Variants in GAB3 observed in about 807,000 individuals in gnomAD.
The protein encoded by GAB3 is GRB2-associated-binding protein 3.
Under a neutral mutation model 40.4 loss-of-function variants are expected in GAB3, and 12 were observed. That is an observed-to-expected ratio of 0.30 (90% CI 0.19 to 0.48). The LOEUF (loss-of-function observed/expected upper bound fraction) is 0.48. Among genes scored for constraint, GAB3 ranks in the 20% least tolerant of loss-of-function variants. The pLI is 0.99. For synonymous variants in GAB3, 154 were observed against 176.7 expected, an observed-to-expected ratio of 0.87 and a Z score of 1.02; for missense variants, 381 against 461.9, an observed-to-expected ratio of 0.82 and a Z score of 1.61.
intron 1 of GAB3, 26 bp from the exon 2 acceptor site, chrX:154,716,355 G>C (rs1356260178): frequency 1.8e-5 from 21 of 1,165,793 alleles, no homozygotes; most frequent in Non-Finnish European, 2.4e-5. Context: ...TCAATAAGGA[G>C]TTACTGGACC....
chrX:154,677,043 G>T lies in GAB3; in HGVS notation c.*1135C>A, dbSNP rs2070306303. The T allele has an allele frequency of 9.0e-6, 1 of 111,352 alleles. No individual in the cohort carries two copies. Among genetic ancestry groups the T allele is most frequent in the Non-Finnish European group, 1.9e-5 (1 of 53,054 alleles). The allele number at this position is 111,352 out of a possible 1,213,427, so 9.2% of individuals were successfully genotyped here. On this transcript the variant is annotated 3_prime_UTR_variant, in exon 10 of 10. Transcript: ENST00000424127. The stretch of plus-strand genomic sequence containing the variant: ...GGAAACCTAAGAATGGAATTCATAG[G>T]TTTTTTCCTGGTCATTGTGTCTGCT...
intron 6 of GAB3, among the ~76,000 whole-genome samples, chrX:154,698,036 C>T: frequency 8.9e-6 from 1 of 112,157 alleles, no homozygotes; most frequent in Non-Finnish European, 1.9e-5. Context: ...TGTCCATTGT[C>T]GTGACAACTA....
chrX:154,735,072 G>A (rs1477429210), intron 1 of GAB3, among the ~76,000 whole-genome samples: 1 of 111,944 alleles, frequency 8.9e-6, no homozygotes, highest in Non-Finnish European at 1.9e-5. Context: ...CACAGAAAAA[G>A]AAACAGAAAT....
At chrX:154,697,290 CAGCA>C in intron 6 of GAB3, 77 bp from the exon 7 acceptor site, 2 of 684,860 alleles carry the variant, frequency 2.9e-6, no homozygotes, top group Non-Finnish European at 4.3e-6. Flanking sequence ...TTCACTTTCC[CAGCA>C]CACCAAATCC....
Position 154,712,664 on chromosome X carries a change from G to A in GAB3, c.634C>T (p.Arg212Cys), listed in dbSNP as rs2070972854. 2 of 1,128,437 alleles carry A rather than the reference G, an allele frequency of 1.8e-6. No homozygotes were observed. The highest frequency in any genetic ancestry group is 2.3e-6 in the Non-Finnish European group (2 of 855,271). 93.0% of individuals were successfully genotyped at this position (1,128,437 alleles called of 1,213,427 possible). A position where few individuals can be genotyped will look rare whatever the true frequency, so the allele number is the denominator to read the frequency against. ...TCAAATGAAGCCTGTTCCAATGAAC[G>A]GTCTGAGTTTGACCAGCTATCACAT... ...TRCDSWSNSD[R>C]SLEQASFDDV... The change falls in exon 4 of 10, where the codon CGT becomes TGT. Residue 212 changes from arginine (R) to cysteine (C), a missense_variant. Arg to Cys is a radical substitution (Grantham distance 180). Around this residue, in one of 2 missense-constraint regions of GAB3, gnomAD observed 364 missense variants for 421.0 expected, o/e 0.86. Coordinates refer to ENST00000424127, the MANE Select transcript of GAB3 (RefSeq NM_001081573.3).
intron 1 of GAB3, among the ~76,000 whole-genome samples, chrX:154,727,460 C>T (rs1450231705): frequency 2.7e-5 from 3 of 112,900 alleles, no homozygotes; most frequent in African/African-American, 9.7e-5. Context: ...ACAGTAGAGA[C>T]TTTGTCTGTC....
chrX:154,700,195 G>A, intron 4 of GAB3, 136 bp from the exon 5 acceptor site: 1 of 462,637 alleles, frequency 2.2e-6, no homozygotes, highest in Non-Finnish European at 3.7e-6. Flanking sequence ...TTCCCCAACA[G>A]ATGAAAAATC....
chrX:154,707,957 A>G (rs781920793), intron 4 of GAB3, among the ~76,000 whole-genome samples: 28 of 112,290 alleles, frequency 2.5e-4, no homozygotes, highest in Non-Finnish European at 5.1e-4. Context: ...AAATTTCTAC[A>G]CTAAAAACTA....
At chrX:154,680,389 T>A in intron 8 of GAB3, 141 bp from the exon 9 acceptor site, 1 of 392,090 alleles carries the variant, frequency 2.6e-6, no homozygotes. Flanking sequence ...TCAATCAGCC[T>A]GCATATCTGA....
chrX:154,709,360 G>A (rs1485309618), intron 4 of GAB3, among the ~76,000 whole-genome samples: 1 of 101,647 alleles, frequency 9.8e-6, no homozygotes, highest in Non-Finnish European at 2.0e-5. Context: ...TTGCTCTGTC[G>A]CCCAGACTGG....
Position 154,708,727 on chromosome X carries a change from T to C in GAB3, c.1069+3502A>G, listed in dbSNP as rs184401500. 3.6e-5 allele frequency among the ~76,000 whole-genome samples: 4 copies of C among 111,844 alleles called. No individual in the cohort carries two copies. In the East Asian group the frequency reaches 1.1e-3, roughly 31 times the overall value. On this transcript the variant is annotated intron_variant, in intron 4 of 9. Transcript: ENST00000424127. ...CAAGAAATACAAGTGTTGGAGAGCA[T>C]GTAGAGAAGAGAACCCTTGTACACT...
At chrX:154,709,145 C>CTT (rs150963438) in intron 4 of GAB3, among the ~76,000 whole-genome samples, 39,387 of 109,051 alleles carry the variant, frequency 0.36, 5,313 homozygotes, top group South Asian at 0.57. Flanking sequence ...TCCCCCTTCA[C>CTT]TCTCTTCCTC....
At chrX:154,750,869 C>G in intron 1 of GAB3, 85 bp downstream of exon 1, 1 of 609,669 alleles carries the variant, frequency 1.6e-6, no homozygotes, top group Non-Finnish European at 2.0e-6. Flanking sequence ...CTGGCGCGCC[C>G]GGAGCCCAGC....
chrX:154,724,375 TAAA>T (rs2071181375), intron 1 of GAB3, among the ~76,000 whole-genome samples: 2 of 109,286 alleles, frequency 1.8e-5, no homozygotes, highest in African/African-American at 6.7e-5. Flanking sequence ...AATAAATAAA[TAAA>T]TAAATAAAAA....
chrX:154,682,121 T>C (rs978378350), intron 8 of GAB3, among the ~76,000 whole-genome samples: 1 of 112,517 alleles, frequency 8.9e-6, no homozygotes, highest in Non-Finnish European at 1.9e-5. Flanking sequence ...CTGTAAATGG[T>C]AAGTTTTGTT....
chrX:154,698,056 G>A (rs2070687966), intron 6 of GAB3, among the ~76,000 whole-genome samples: 1 of 112,278 alleles, frequency 8.9e-6, no homozygotes, highest in African/African-American at 3.2e-5. Context: ...AGCCACACGT[G>A]CCCATTTAGA....
At chrX:154,738,650 C>T (rs1557260829) in intron 1 of GAB3, among the ~76,000 whole-genome samples, 2 of 112,000 alleles carry the variant, frequency 1.8e-5, no homozygotes, top group Non-Finnish European at 3.8e-5. Flanking sequence ...TCTTTAATTA[C>T]GCCCTCTCTC....
At chrX:154,726,795 G>C (rs2071218354) in intron 1 of GAB3, among the ~76,000 whole-genome samples, 1 of 111,212 alleles carries the variant, frequency 9.0e-6, no homozygotes, top group Admixed American at 9.5e-5. Context: ...AAAAACTTTG[G>C]AGTGATCTTT....
At chrX:154,683,972 C>G (rs2070411759) in intron 8 of GAB3, among the ~76,000 whole-genome samples, 1 of 111,712 alleles carries the variant, frequency 9.0e-6, no homozygotes, top group Admixed American at 9.5e-5. Flanking sequence ...GAATATTATA[C>G]TACATTTTAT....
Sources: allele counts gnomAD v4.1 joint callset (sites outside exome capture counted in the v4.1 genomes callset), GRCh38; gene constraint gnomAD v4.1.1; regional missense constraint gnomAD v4.1.1; transcripts MANE v1.5; gene names NCBI Gene and HGNC (gene_info 2026-07-23, HGNC 2026-07-21).